LINGO3: variants seen among roughly 807,000 people sequenced by gnomAD.
LINGO3 encodes leucine-rich repeat and immunoglobulin-like domain-containing nogo receptor-interacting protein 3.
For synonymous variants in LINGO3, 427 were observed against 444.2 expected (o/e 0.96, Z 0.49); for missense variants, 750 against 867.7 (o/e 0.86, Z 1.70).
chr19:2,299,183 G>T, the LINGO3 span, among the ~76,000 whole-genome samples: 1 of 152,140 alleles, frequency 6.6e-6, no homozygotes, highest in Non-Finnish European at 1.5e-5. Flanking sequence ...TCCCCCACTC[G>T]ACGGCCTGGC....
rs952578616 is a variant in LINGO3, at chr19:2,290,574, G to A, written c.1203C>T (p.Tyr401=). 5.7e-6 allele frequency: 9 copies of A among 1,568,504 alleles called. No individual in the cohort carries two copies. Among genetic ancestry groups the A allele is most frequent in the African/African-American group, 2.7e-5 (2 of 73,938 alleles). ...GGATCTTGGGTTTGCGGCACACGAA[G>A]TACTCGAACAGCACGGAGTCCGGCA... is the stretch of plus-strand genomic sequence containing the variant. The change falls in exon 1 of 1, where the codon TAC becomes TAT. Residue 401 remains tyrosine (Y), a synonymous_variant. Transcript: ENST00000585527. This position sits in a 1 kb window ranked among gnomAD's most constrained non-coding sequence, Gnocchi z 6.0.
chr19:2,299,285 G>A, the LINGO3 span, among the ~76,000 whole-genome samples: 1 of 152,162 alleles, frequency 6.6e-6, no homozygotes, highest in African/African-American at 2.4e-5. Context: ...CTAAGGGTCT[G>A]GTGTTCCCCA....
the LINGO3 span, among the ~76,000 whole-genome samples, chr19:2,297,252 C>T: frequency 6.6e-6 from 1 of 151,554 alleles, no homozygotes; most frequent in Non-Finnish European, 1.5e-5. Context: ...AGTGCAGACC[C>T]CTCACCCTGC....
At chr19:2,304,150 A>G in the LINGO3 span, among the ~76,000 whole-genome samples, 1 of 152,218 alleles carries the variant, frequency 6.6e-6, no homozygotes, top group Non-Finnish European at 1.5e-5. Flanking sequence ...TCATTCAACA[A>G]GCATTCATTC....
the LINGO3 span, among the ~76,000 whole-genome samples, chr19:2,297,936 C>T: frequency 1.3e-5 from 2 of 151,624 alleles, no homozygotes; most frequent in African/African-American, 2.4e-5. Context: ...CTTGCTCTGT[C>T]GCCCAGTCTG....
downstream of LINGO3, among the ~76,000 whole-genome samples, chr19:2,288,399 T>A (rs987240861): frequency 5.3e-5 from 8 of 152,094 alleles, no homozygotes; most frequent in African/African-American, 9.7e-5. The surrounding 1 kb of genome is among the most constrained non-coding windows in gnomAD (Gnocchi z 6.5). Flanking sequence ...GAGCCACGGG[T>A]CAGCAGGGCC....
chr19:2,307,206 G>C, the LINGO3 span, among the ~76,000 whole-genome samples: 1 of 152,322 alleles, frequency 6.6e-6, no homozygotes, highest in South Asian at 2.1e-4. Flanking sequence ...CTGCGTCCAT[G>C]GTTTAGCCAG....
the LINGO3 span, among the ~76,000 whole-genome samples, chr19:2,300,476 G>A: frequency 6.6e-6 from 1 of 151,842 alleles, no homozygotes; most frequent in East Asian, 1.9e-4. Flanking sequence ...CACCCACCTG[G>A]GGCATTACCT....
exon 1 of LINGO3, chr19:2,289,986 C>G (rs1165641820): frequency 2.0e-6 from 3 of 1,516,116 alleles, no homozygotes; most frequent in Non-Finnish European, 2.7e-6. Context: ...GAGGGTCCGC[C>G]CTGGGGACCC....
At chr19:2,297,602 CTTTTTTT>C in the LINGO3 span, among the ~76,000 whole-genome samples, 3 of 130,980 alleles carry the variant, frequency 2.3e-5, 1 homozygote, top group South Asian at 7.4e-4. Flanking sequence ...CGCACCCGGC[CTTTTTTT>C]TTTTTTTTTT....
the LINGO3 span, among the ~76,000 whole-genome samples, chr19:2,307,031 T>G: frequency 6.6e-6 from 1 of 152,072 alleles, no homozygotes; most frequent in African/African-American, 2.4e-5. Flanking sequence ...CTGCATCCTC[T>G]CCAGGCCACT....
At chr19:2,293,307 A>G (rs796949891), upstream of LINGO3, among the ~76,000 whole-genome samples, 25 of 146,612 alleles carry the variant, frequency 1.7e-4, no homozygotes, top group African/African-American at 5.1e-4. Flanking sequence ...CTCGTGATCC[A>G]CCCTCCTTGG....
At chr19:2,296,216 G>GC (rs975530472), upstream of LINGO3, among the ~76,000 whole-genome samples, 8 of 152,048 alleles carry the variant, frequency 5.3e-5, no homozygotes, top group Admixed American at 4.6e-4. Context: ...ACTTTTATCT[G>GC]CCCCCCGACC....
chr19:2,290,367 C>A lies in LINGO3; in HGVS notation c.1410G>T (p.Ala470=). Residue 470 remains alanine, a synonymous_variant, in exon 1 of 1, where the codon GCG becomes GCT. Coordinates refer to ENST00000585527, the Ensembl canonical transcript of LINGO3. This position sits in a 1 kb window ranked among gnomAD's most constrained non-coding sequence, Gnocchi z 6.0. ...TGTAGGTGCCGCTGTCCTGCGGCCG[C>A]GCGTCCTGGATCTCCAGCGTCCCCC... 1 of 1,490,006 alleles carries A rather than the reference C, an allele frequency of 6.7e-7. No individual in the cohort carries two copies. The allele number at this position is 1,490,006 out of a possible 1,614,324, so 92.3% of individuals were successfully genotyped here.
chr19:2,307,342 T>G, the LINGO3 span, among the ~76,000 whole-genome samples: 108,703 of 152,108 alleles, frequency 0.71, 40,359 homozygotes, highest in Non-Finnish European at 0.83. Context: ...CCCAGTTACA[T>G]GGTGGTCTCC....
chr19:2,292,698 C>T (rs1379803023), upstream of LINGO3, among the ~76,000 whole-genome samples: 3 of 151,964 alleles, frequency 2.0e-5, no homozygotes, highest in Non-Finnish European at 1.5e-5. Context: ...CCATATTGGC[C>T]AGGTTGGTCT....
At chr19:2,291,635 C>T (rs1156368922) in exon 1 of LINGO3, 16 of 1,446,590 alleles carry the variant, frequency 1.1e-5, no homozygotes, top group Admixed American at 2.9e-5. Context: ...CCGTCGGGCA[C>T]GGCGGTCAGG....
rs1270135674 is a variant in LINGO3 at position 2,290,997 on chromosome 19, G to C, written c.780C>G (p.Ala260=). 3.1e-6 allele frequency: 5 copies of C among 1,611,532 alleles called. No individual in the cohort carries two copies. Among genetic ancestry groups the C allele is most frequent in the Non-Finnish European group, 4.2e-6 (5 of 1,179,460 alleles). ...GGTGCCGCAGCGCGGCGGCCGGCAC[G>C]GCGGTGATGTTGGTGTGGGTGACCG... is the stretch of plus-strand genomic sequence containing the variant. The change falls in exon 1 of 1, where the codon GCC becomes GCG. Residue 260 remains alanine, a synonymous_variant. Coordinates refer to ENST00000585527, the Ensembl canonical transcript of LINGO3. The surrounding 1 kb of genome is among the most constrained non-coding windows in gnomAD (Gnocchi z 6.0).
At chr19:2,302,811 G>A in the LINGO3 span, among the ~76,000 whole-genome samples, 3 of 152,258 alleles carry the variant, frequency 2.0e-5, no homozygotes, top group Non-Finnish European at 4.4e-5. Flanking sequence ...CGGCGTTGGC[G>A]GTGGTGGACG....
Sources: allele counts gnomAD v4.1 joint callset (sites outside exome capture counted in the v4.1 genomes callset), GRCh38; gene constraint gnomAD v4.1.1; non-coding constraint Gnocchi (gnomAD v3.1); transcripts MANE v1.5; gene names NCBI Gene and HGNC (gene_info 2026-07-23, HGNC 2026-07-21).